The following GTF2F2 variants were observed in gnomAD, a reference collection of about 807,000 sequenced individuals.
The protein encoded by GTF2F2 is ATP-dependent helicase GTF2F2.
A neutral mutation model predicts 42.2 loss-of-function variants in GTF2F2; 23 were observed. The ratio of observed to expected loss-of-function variants is 0.55; its 90% CI spans 0.39 to 0.77. The LOEUF (loss-of-function observed/expected upper bound fraction) is 0.77. GTF2F2 is among the 30% of genes least tolerant of loss of function. The pLI, the probability that GTF2F2 is intolerant of heterozygous loss-of-function variation, is 0.00. For synonymous variants in GTF2F2, 105 were observed against 100.8 expected (o/e 1.04, Z -0.25); for missense variants, 261 against 287.2 (o/e 0.91, Z 0.66).
chr13:45,136,065 G>A (rs1869603496), intron 1 of GTF2F2, among the ~76,000 whole-genome samples: 1 of 152,234 alleles, frequency 6.6e-6, no homozygotes, highest in Admixed American at 6.5e-5. Context: ...GAGGCAGAAT[G>A]CCTGGGTTCA....
At chr13:45,153,674 G>A (rs549317552) in intron 4 of GTF2F2, among the ~76,000 whole-genome samples, 1 of 152,038 alleles carries the variant, frequency 6.6e-6, no homozygotes, top group African/African-American at 2.4e-5. Flanking sequence ...TTTGAATTCA[G>A]TATGTTAAGA....
intron 7 of GTF2F2, among the ~76,000 whole-genome samples, chr13:45,278,826 T>C (rs1161159441): frequency 5.2e-5 from 7 of 135,702 alleles, no homozygotes; most frequent in East Asian, 2.0e-4. Context: ...CTTTTTTTTT[T>C]TTTTTTTTTT....
chr13:45,252,570 C>G (rs1875922901), intron 5 of GTF2F2, among the ~76,000 whole-genome samples: 1 of 151,964 alleles, frequency 6.6e-6, no homozygotes, highest in African/African-American at 2.4e-5. Flanking sequence ...ATTTTTTCCC[C>G]CAGAAATTTA....
In GTF2F2 at chr13:45,237,263, G is replaced by GCAGCT. The variant is rs1227787324; in HGVS notation, c.387-15608_387-15607insCAGCT. On this transcript the variant is annotated intron_variant, in intron 5 of 7. Transcript: ENST00000340473. ...TTTACCTGCAGCTGAATGACATTTA[G>GCAGCT]GAAGAAATTTTTTTAATCTTTGAAA... Among the ~76,000 whole-genome samples the GCAGCT allele has an allele frequency of 2.0e-5, 3 of 152,148 alleles. No homozygotes were observed. In the East Asian group the frequency reaches 5.8e-4, roughly 29 times the overall value.
intron 2 of GTF2F2, among the ~76,000 whole-genome samples, chr13:45,137,093 C>G (rs1195270182): frequency 1.3e-5 from 2 of 152,154 alleles, no homozygotes; most frequent in Non-Finnish European, 2.9e-5. Context: ...AGTTCTTTCA[C>G]CCCTCCATCC....
At chr13:45,208,359 AT>A (rs1459314942) in intron 5 of GTF2F2, among the ~76,000 whole-genome samples, 2 of 152,244 alleles carry the variant, frequency 1.3e-5, no homozygotes, top group East Asian at 1.9e-4. Context: ...AGAGTCAGCA[AT>A]TTTTTAAGCC....
chr13:45,152,260 C>T (rs931390483), intron 4 of GTF2F2, among the ~76,000 whole-genome samples: 7 of 152,174 alleles, frequency 4.6e-5, no homozygotes, highest in Admixed American at 1.3e-4. Context: ...TTCCATCTCT[C>T]ATTTTGTCTA....
At chr13:45,143,222 T>A (rs114093807) in intron 2 of GTF2F2, among the ~76,000 whole-genome samples, 1,820 of 152,322 alleles carry the variant, frequency 0.012, 31 homozygotes, top group African/African-American at 0.037. Context: ...TAGAGGCAGA[T>A]TAACCTCTAA....
intron 1 of GTF2F2, among the ~76,000 whole-genome samples, chr13:45,132,078 A>C (rs1158955133): frequency 6.6e-6 from 1 of 152,172 alleles, no homozygotes; most frequent in Non-Finnish European, 1.5e-5. Flanking sequence ...TTGTGTGAGA[A>C]GTAGATGATT....
At chr13:45,205,679 C>T (rs1873384252) in intron 4 of GTF2F2, among the ~76,000 whole-genome samples, 1 of 152,058 alleles carries the variant, frequency 6.6e-6, no homozygotes, top group South Asian at 2.1e-4. Context: ...GCCACCATGC[C>T]TGGCTAATTT....
intron 5 of GTF2F2, among the ~76,000 whole-genome samples, chr13:45,242,052 T>G (rs1358885743): frequency 6.6e-6 from 1 of 152,156 alleles, no homozygotes; most frequent in African/African-American, 2.4e-5. Flanking sequence ...TCTAATAGAT[T>G]GACGTATACT....
At chr13:45,251,810 C>G (rs988394923) in intron 5 of GTF2F2, among the ~76,000 whole-genome samples, 4 of 152,076 alleles carry the variant, frequency 2.6e-5, no homozygotes, top group African/African-American at 4.8e-5. Context: ...TGTAATCTAA[C>G]TAGATATGTT....
At chr13:45,239,558 A>C (rs1319220833) in intron 5 of GTF2F2, among the ~76,000 whole-genome samples, 1 of 152,244 alleles carries the variant, frequency 6.6e-6, no homozygotes, top group Non-Finnish European at 1.5e-5. Context: ...TACTCAACAC[A>C]TACCAAAAAC....
At chr13:45,127,320 C>T (rs1593442507) in intron 1 of GTF2F2, among the ~76,000 whole-genome samples, 1 of 147,690 alleles carries the variant, frequency 6.8e-6, no homozygotes, top group African/African-American at 2.5e-5. Flanking sequence ...GCACAATCTG[C>T]TTTTTTTTTT....
Position 45,235,041 on chromosome 13 carries a change from C to CAAAAA in GTF2F2, c.387-17804_387-17800dup, listed in dbSNP as rs61077504. Among the ~76,000 whole-genome samples the CAAAAA allele has an allele frequency of 1.4e-3, 62 of 43,720 alleles. 3 individuals carry two copies. Among genetic ancestry groups the CAAAAA allele is most frequent in the South Asian group, 2.9e-3 (2 of 700 alleles). 28.7% of individuals were successfully genotyped at this position (43,720 alleles called of 152,430 possible). On this transcript the variant is annotated intron_variant, in intron 5 of 7. Coordinates refer to ENST00000340473, the MANE Select transcript of GTF2F2 (RefSeq NM_004128.3). ...GCCTGGGCAACAAGAGCGGGAAACT[C>CAAAAA]AAAAAAAAAAAAAAAAAAAAAAAAA...
rs534263954 is a variant in GTF2F2, at chr13:45,249,039, A to G, written c.387-3832A>G. Among the ~76,000 whole-genome samples the G allele has an allele frequency of 2.8e-4, 43 of 152,284 alleles. No individual in the cohort carries two copies. In the South Asian group the frequency reaches 8.5e-3, roughly 30 times the overall value. ...ATATTTCCAAATTATATTATTTTGT[A>G]CAAACCTAGATAAACCTTACCTTGA... On this transcript the variant is annotated intron_variant, in intron 5 of 7. Coordinates refer to ENST00000340473, the MANE Select transcript of GTF2F2 (RefSeq NM_004128.3).
rs967866989 is a variant in GTF2F2, at chr13:45,127,349, A to G, written c.66+6628A>G. On this transcript the variant is annotated intron_variant, in intron 1 of 7. Transcript: ENST00000340473. ...TTTTTTTGGTCTTTCTTTTTGAGAC[A>G]GGGTCTCACTCTGTCTCCCAGGCTG... 2.0e-5 allele frequency among the ~76,000 whole-genome samples: 3 copies of G among 151,946 alleles called. No homozygotes were observed. In the East Asian group the frequency reaches 5.8e-4, roughly 29 times the overall value.
intron 5 of GTF2F2, among the ~76,000 whole-genome samples, chr13:45,247,038 C>CAA (rs752175151): frequency 0.016 from 1,144 of 69,728 alleles, 15 homozygotes; most frequent in African/African-American, 0.051. Flanking sequence ...GACTCTGTCT[C>CAA]AAAAAAAAAA....
At chr13:45,219,008 A>G (rs1874000271) in intron 5 of GTF2F2, among the ~76,000 whole-genome samples, 1 of 152,066 alleles carries the variant, frequency 6.6e-6, no homozygotes, top group Admixed American at 6.6e-5. Context: ...GAAAGAGAAG[A>G]TGTTGGGGGT....
Sources: allele counts gnomAD v4.1 joint callset (sites outside exome capture counted in the v4.1 genomes callset), GRCh38; gene constraint gnomAD v4.1.1; transcripts MANE v1.5; gene names NCBI Gene and HGNC (gene_info 2026-07-23, HGNC 2026-07-21).